Variants in XRN1 observed in about 807,000 individuals in gnomAD.
The protein encoded by XRN1 is 5'-3' exoribonuclease 1.
In XRN1, 67 loss-of-function variants were observed where a neutral mutation model predicts 222.3. That is an observed-to-expected ratio of 0.30 (90% confidence interval 0.25 to 0.37). The LOEUF (loss-of-function observed/expected upper bound fraction) is 0.37, where lower values mean the gene tolerates loss of function less well. Among genes scored for constraint, XRN1 ranks in the 10% least tolerant of loss-of-function variants. XRN1 has a pLI of 1.00. For missense variants in XRN1, 1,707 were observed against 2,000.2 expected, an observed-to-expected ratio of 0.85 and a Z score of 2.80; for synonymous variants, 643 against 652.4, an observed-to-expected ratio of 0.99 and a Z score of 0.22.
chr3:142,433,793 A>G (rs1265675507), intron 1 of XRN1, among the ~76,000 whole-genome samples: 1 of 152,220 alleles, frequency 6.6e-6, no homozygotes, highest in Admixed American at 6.5e-5. Flanking sequence ...GTATAAACAT[A>G]ATAGAAATCA....
At chr3:142,391,371 C>T (rs564828005) in intron 20 of XRN1, among the ~76,000 whole-genome samples, 1 of 152,200 alleles carries the variant, frequency 6.6e-6, no homozygotes, top group South Asian at 2.1e-4. Context: ...GGAAGATTTT[C>T]GTCCATTTAC....
intron 33 of XRN1, among the ~76,000 whole-genome samples, chr3:142,339,537 G>C (rs1300231944): frequency 6.6e-6 from 1 of 152,142 alleles, no homozygotes; most frequent in Admixed American, 6.5e-5. Flanking sequence ...ACATCAACAA[G>C]CATCAAGACC....
intron 13 of XRN1, 74 bp from the exon 14 acceptor site, chr3:142,414,365 C>T (rs1267924872): frequency 3.5e-6 from 4 of 1,142,262 alleles, no homozygotes; most frequent in Non-Finnish European, 4.6e-6. Context: ...ATACTTTTCC[C>T]CATATTTTAA....
intron 20 of XRN1, among the ~76,000 whole-genome samples, chr3:142,396,542 C>A (rs978123088): frequency 6.6e-6 from 1 of 152,118 alleles, no homozygotes; most frequent in Non-Finnish European, 1.5e-5. Context: ...CTCTACCTCT[C>A]GAGAGCTATG....
chr3:142,404,995 G>C lies in XRN1; in HGVS notation c.1795C>G (p.Leu599Val). 1 of 1,613,872 alleles carries C rather than the reference G, an allele frequency of 6.2e-7. No individual in the cohort carries two copies. Among genetic ancestry groups the C allele is most frequent in the Non-Finnish European group, 8.5e-7 (1 of 1,179,814 alleles). Residue 599 changes from leucine (L) to valine (V), a missense_variant, in exon 16 of 41, where the codon CTA becomes GTA. Transcript: ENST00000392981. ...GTGTCTCTATCATACCAGCACATTA[G>C]GCACTCACTATGTTGGTTTCTTTTC... ...ERKRNQHSEC[L>V]MCWYDRDTEF... is the part of the protein sequence containing the mutation.
chr3:142,426,441 G>A (rs1310939562), intron 3 of XRN1: 2 of 228,732 alleles, frequency 8.7e-6, no homozygotes, highest in Non-Finnish European at 1.7e-5. Context: ...TAAATAAATG[G>A]CAGGAATAGG....
intron 39 of XRN1, chr3:142,313,171 C>T: frequency 6.2e-7 from 1 of 1,612,582 alleles, no homozygotes; most frequent in Non-Finnish European, 8.5e-7. Context: ...ATAGTGATCC[C>T]AGCCTACAAA....
chr3:142,341,487 T>A (rs540026014), intron 33 of XRN1, among the ~76,000 whole-genome samples: 2 of 150,440 alleles, frequency 1.3e-5, no homozygotes. Context: ...GGAAGAATAA[T>A]AATAAAAGGA....
At chr3:142,427,848 T>C (rs2069326147) in intron 2 of XRN1, among the ~76,000 whole-genome samples, 1 of 152,246 alleles carries the variant, frequency 6.6e-6, no homozygotes, top group African/African-American at 2.4e-5. Flanking sequence ...GCTTTGAGTA[T>C]AGTTTCTACA....
At chr3:142,325,049 T>A (rs896047475) in intron 37 of XRN1, among the ~76,000 whole-genome samples, 2 of 152,202 alleles carry the variant, frequency 1.3e-5, no homozygotes, top group Non-Finnish European at 2.9e-5. Context: ...CTCTTACATA[T>A]ACTGATATTT....
Position 142,425,241 on chromosome 3 carries a change from T to C in XRN1, c.608A>G (p.Tyr203Cys), listed in dbSNP as rs2069198013. The change falls in exon 5 of 41, where the codon TAT becomes TGT. Residue 203 changes from tyrosine to cysteine, a missense_variant. This residue lies in a region of XRN1 where 1,234 missense variants were observed against 1,518.2 expected (regional missense o/e 0.81). Coordinates refer to ENST00000392981, the MANE Select transcript of XRN1 (RefSeq NM_001282857.2). ...ACCTACCAAGTCAGCATCTAAACCA[T>C]AAAGACAGTGTCTGGTGTTTGGATC... The part of the protein sequence containing the change: ...DHDPNTRHCL[Y>C]GLDADLIMLG... The C allele has an allele frequency of 1.3e-6, 2 of 1,592,928 alleles. No individual in the cohort carries two copies. Among genetic ancestry groups the C allele is most frequent in the Non-Finnish European group, 1.7e-6 (2 of 1,171,006 alleles).
chr3:142,417,278 G>A (rs374181180), intron 12 of XRN1, 49 bp from the exon 13 acceptor site: 101 of 1,510,280 alleles, frequency 6.7e-5, no homozygotes, highest in East Asian at 2.0e-4. Flanking sequence ...AGACAGGCCC[G>A]TGTCTTTAGA....
chr3:142,384,770 T>C, intron 20 of XRN1, 85 bp from the exon 21 acceptor site: 5 of 1,046,646 alleles, frequency 4.8e-6, no homozygotes, highest in South Asian at 3.7e-5. Flanking sequence ...TCGTAAACTA[T>C]CAACTCATAA....
At chr3:142,408,824 A>C (rs188198735) in intron 15 of XRN1, among the ~76,000 whole-genome samples, 122 of 152,328 alleles carry the variant, frequency 8.0e-4, no homozygotes, top group Non-Finnish European at 1.4e-3. Context: ...GCAGTGTATA[A>C]AAATTCCAAT....
intron 15 of XRN1, chr3:142,407,586 C>T (rs902770951): frequency 1.3e-5 from 2 of 152,228 alleles, no homozygotes; most frequent in Non-Finnish European, 2.9e-5. Context: ...AACTTGGCCT[C>T]CCAAAGTGCT....
chr3:142,444,314 CA>C (rs563570070), intron 1 of XRN1, among the ~76,000 whole-genome samples: 1 of 151,914 alleles, frequency 6.6e-6, no homozygotes, highest in South Asian at 2.1e-4. Flanking sequence ...ACAAACAGAA[CA>C]AAAAAACACA....
intron 10 of XRN1, among the ~76,000 whole-genome samples, chr3:142,419,786 T>C (rs2068933255): frequency 6.7e-6 from 1 of 149,932 alleles, no homozygotes; most frequent in African/African-American, 2.5e-5. Context: ...CCAGCCTGAG[T>C]GACAGAGTGA....
intron 27 of XRN1, among the ~76,000 whole-genome samples, chr3:142,366,189 T>A (rs752874788): frequency 6.6e-6 from 1 of 152,212 alleles, no homozygotes; most frequent in Non-Finnish European, 1.5e-5. Flanking sequence ...TTACAATTTA[T>A]AAACTACTAT....
chr3:142,330,116 G>T (rs2065653205), intron 36 of XRN1, among the ~76,000 whole-genome samples: 1 of 152,160 alleles, frequency 6.6e-6, no homozygotes. Context: ...TGACTACATG[G>T]TACTGCTACA....
Sources: allele counts gnomAD v4.1 joint callset (sites outside exome capture counted in the v4.1 genomes callset), GRCh38; gene constraint gnomAD v4.1.1; regional missense constraint gnomAD v4.1.1; transcripts MANE v1.5; gene names NCBI Gene and HGNC (gene_info 2026-07-23, HGNC 2026-07-21).